ROCK1: variants seen among roughly 807,000 people sequenced by gnomAD.
The protein encoded by ROCK1 is Rho associated coiled-coil containing protein kinase 1, also known as rho-associated protein kinase 1.
Under a neutral mutation model 196.8 loss-of-function variants are expected in ROCK1, and 36 were observed. The observed-to-expected ratio is 0.18, with a 90% CI of 0.14 to 0.24. ROCK1 has a LOEUF of 0.24. Ranked by LOEUF, ROCK1 falls within the 10% of genes least tolerant of loss-of-function variation. The pLI is 1.00. For synonymous variants in ROCK1, 443 were observed against 515.9 expected (o/e 0.86, Z 1.91); for missense variants, 920 against 1,562.0 (o/e 0.59, Z 6.93).
At chr18:20,954,237 A>ATGTT (rs1375836323) in intron 31 of ROCK1, among the ~76,000 whole-genome samples, 1 of 140,628 alleles carries the variant, frequency 7.1e-6, no homozygotes, top group East Asian at 2.0e-4. Flanking sequence ...TCTTAGCAGC[A>ATGTT]TGTTTGTTTG....
At chr18:21,057,461 T>C (rs1415664468) in intron 2 of ROCK1, among the ~76,000 whole-genome samples, 3 of 152,172 alleles carry the variant, frequency 2.0e-5, no homozygotes, top group Non-Finnish European at 4.4e-5. Context: ...TTCAAAAGCA[T>C]TTCAATCATA....
chr18:21,087,032 T>A (rs2036533814), intron 1 of ROCK1, among the ~76,000 whole-genome samples: 1 of 152,168 alleles, frequency 6.6e-6, no homozygotes, highest in Admixed American at 6.5e-5. Context: ...ATGAATATAT[T>A]ACGAACAAGG....
rs368616144 is a variant in ROCK1, at chr18:20,991,366, G to A, written c.1993-40C>T. ...TAGGAGTCATGTAATAAACTGTGCA[G>A]AAGGCATGCATGTTAGTAAATCTTA... On this transcript the variant is annotated intron_variant, in intron 17 of 32. Transcript: ENST00000399799. The A allele has an allele frequency of 5.9e-6, 8 of 1,362,768 alleles. No individual in the cohort carries two copies. The Admixed American group carries it at 9.4e-5, about 16-fold the overall frequency. The allele number at this position is 1,362,768 out of a possible 1,614,324, so 84.4% of individuals were successfully genotyped here. A position where few individuals can be genotyped will look rare whatever the true frequency, so the allele number is the denominator to read the frequency against.
At chr18:21,059,104 T>C (rs2036267826) in intron 2 of ROCK1, among the ~76,000 whole-genome samples, 1 of 152,174 alleles carries the variant, frequency 6.6e-6, no homozygotes, top group Admixed American at 6.5e-5. Context: ...ATATATATCA[T>C]TAGTGACTGT....
In ROCK1 at chr18:21,042,169, G is replaced by T; in HGVS notation, c.887C>A (p.Ser296Ter). 2 of 1,605,858 alleles carry T rather than the reference G, an allele frequency of 1.2e-6. No homozygotes were observed. Among genetic ancestry groups the T allele is most frequent in the South Asian group, 1.1e-5 (1 of 89,632 alleles). ...GTCATTATCATCAGGAAAGGTAAGT[G>T]AATTTTTATGGTTCATAATTTTACT... Reference protein sequence around the residue: ...TYSKIMNHKNSLTFPDDNDIS... With the variant: ...TYSKIMNHKN Residue 296 changes from serine (S) to a stop codon, truncating the protein, a stop_gained, in exon 8 of 33, where the codon TCA becomes TAA. Coordinates refer to ENST00000399799, the MANE Select transcript of ROCK1 (RefSeq NM_005406.3). LOFTEE classifies it high-confidence loss of function.
At chr18:21,107,469 C>T (rs1417270702) in intron 1 of ROCK1, among the ~76,000 whole-genome samples, 1 of 152,136 alleles carries the variant, frequency 6.6e-6, no homozygotes, top group Admixed American at 6.5e-5. Flanking sequence ...ACATAATACA[C>T]ACTAATAAGT....
rs375304545 is a variant in ROCK1 at position 20,951,397 on chromosome 18, G to A, written c.4062-10C>T. On this transcript the variant is annotated splice_polypyrimidine_tract_variant and intron_variant, in intron 32 of 32. Coordinates refer to ENST00000399799, the MANE Select transcript of ROCK1 (RefSeq NM_005406.3). ...TCAGTCACATGGTTAACTGTTGAGG[G>A]AGGGGGAAAAAACTAATTTAAGAAA... 8 of 1,591,544 alleles carry A rather than the reference G, an allele frequency of 5.0e-6. No homozygotes were observed. Among genetic ancestry groups the A allele is most frequent in the Non-Finnish European group, 6.8e-6 (8 of 1,168,392 alleles).
chr18:20,963,479 G>C (rs534027028), intron 27 of ROCK1, among the ~76,000 whole-genome samples: 1 of 151,884 alleles, frequency 6.6e-6, no homozygotes, highest in Non-Finnish European at 1.5e-5. Context: ...ACTAGATTTG[G>C]GCAAGGTCAG....
intron 22 of ROCK1, 136 bp from the exon 23 acceptor site, chr18:20,970,649 T>C: frequency 1.6e-6 from 1 of 613,138 alleles, no homozygotes; most frequent in Non-Finnish European, 2.7e-6. Flanking sequence ...TTTAAATCCA[T>C]TGCAAACTTT....
chr18:20,969,712 T>TA lies in ROCK1; in HGVS notation c.2821-505dup, dbSNP rs564090704. ...CCTCATAACAATCATGTGGAAGAGA[T>TA]ATTACTATTTCTATTTTATAGATGA... On this transcript the variant is annotated intron_variant, in intron 23 of 32. Coordinates refer to ENST00000399799, the MANE Select transcript of ROCK1 (RefSeq NM_005406.3). Among the ~76,000 whole-genome samples, 9 of 152,294 alleles carry TA rather than the reference T, an allele frequency of 5.9e-5. No homozygotes were observed. The South Asian group carries it at 1.9e-3, about 32-fold the overall frequency.
chr18:21,060,623 TGA>T (rs2036280474), intron 2 of ROCK1, among the ~76,000 whole-genome samples: 1 of 152,128 alleles, frequency 6.6e-6, no homozygotes, highest in Non-Finnish European at 1.5e-5. Context: ...ACAGAGCACC[TGA>T]GGTCGGGAAT....
chr18:20,960,311 TAA>T (rs201766120), intron 27 of ROCK1, 105 bp from the exon 28 acceptor site: 1 of 714,442 alleles, frequency 1.4e-6, no homozygotes, highest in East Asian at 2.5e-5. Flanking sequence ...TGAACACAAC[TAA>T]ATGAATAAGT....
chr18:20,971,946 T>C (rs1225363339), intron 22 of ROCK1, among the ~76,000 whole-genome samples: 1 of 152,150 alleles, frequency 6.6e-6, no homozygotes, highest in African/African-American at 2.4e-5. Flanking sequence ...CAACAGATAC[T>C]GTAAGGCTTT....
At chr18:21,036,845 AATT>A (rs1030507804) in intron 9 of ROCK1, among the ~76,000 whole-genome samples, 1 of 152,156 alleles carries the variant, frequency 6.6e-6, no homozygotes, top group African/African-American at 2.4e-5. Flanking sequence ...TTTCATTTGA[AATT>A]ATTAATACTA....
At chr18:21,097,736 T>A (rs1014501666) in intron 1 of ROCK1, among the ~76,000 whole-genome samples, 2 of 152,248 alleles carry the variant, frequency 1.3e-5, no homozygotes, top group Non-Finnish European at 1.5e-5. Context: ...TGTTGTGAAC[T>A]CTGCAAAGCA....
At chr18:21,049,477 G>A (rs1034780826) in intron 3 of ROCK1, among the ~76,000 whole-genome samples, 16 of 151,988 alleles carry the variant, frequency 1.1e-4, no homozygotes, top group Non-Finnish European at 1.5e-4. Context: ...CCCTCCACAC[G>A]GCTATGTAAG....
At chr18:20,961,407 T>C (rs2035324848) in intron 27 of ROCK1, among the ~76,000 whole-genome samples, 1 of 152,224 alleles carries the variant, frequency 6.6e-6, no homozygotes, top group South Asian at 2.1e-4. Flanking sequence ...TAATATCTCA[T>C]ATTTAACCTA....
At chr18:21,105,763 A>G (rs2036697788) in intron 1 of ROCK1, among the ~76,000 whole-genome samples, 1 of 152,218 alleles carries the variant, frequency 6.6e-6, no homozygotes, top group Admixed American at 6.5e-5. Flanking sequence ...CTTACAAGGC[A>G]GTCAGATATT....
intron 27 of ROCK1, among the ~76,000 whole-genome samples, chr18:20,966,030 C>CCCAATTT (rs2035371190): frequency 6.6e-6 from 1 of 152,160 alleles, no homozygotes; most frequent in Non-Finnish European, 1.5e-5. Context: ...CAATATCAAA[C>CCCAATTT]ATGCTGCTTC....
Sources: gnomAD v4.1 joint callset for allele counts (sites outside exome capture counted in the v4.1 genomes callset) on GRCh38, gnomAD v4.1.1 for gene constraint, MANE v1.5 for transcripts, NCBI Gene and HGNC (gene_info 2026-07-23, HGNC 2026-07-21) for gene names.